Variants in ZFHX3 observed in about 807,000 individuals in gnomAD.
The protein encoded by ZFHX3 is zinc finger homeobox protein 3.
In ZFHX3, 42 loss-of-function variants were observed where a neutral mutation model predicts 279.1. The ratio of observed to expected loss-of-function variants is 0.15; its 90% confidence interval spans 0.12 to 0.19. The LOEUF is 0.19. Among genes scored for constraint, ZFHX3 ranks in the 10% least tolerant of loss-of-function variants. The pLI is 1.00. For missense variants in ZFHX3, 4,981 were observed against 4,754.0 expected (o/e 1.05, Z -1.40); for synonymous variants, 2,293 against 1,957.8 (o/e 1.17, Z -4.52).
chr16:73,357,212 T>C (rs577127163), intron 3 of ZFHX3, among the ~76,000 whole-genome samples: 17 of 151,914 alleles, frequency 1.1e-4, no homozygotes, highest in South Asian at 8.3e-4. Flanking sequence ...ATAATAATAA[T>C]ACCCCCCACC....
At chr16:73,336,809 C>T (rs910259101) in intron 3 of ZFHX3, among the ~76,000 whole-genome samples, 8 of 152,106 alleles carry the variant, frequency 5.3e-5, no homozygotes, top group African/African-American at 1.9e-4. Context: ...CAACCGCATC[C>T]CCTGTACTCT....
chr16:73,406,114 A>T lies in ZFHX3; in HGVS notation c.-1291+49889T>A, dbSNP rs952642795. On this transcript the variant is annotated intron_variant, in intron 3 of 17. Transcript: ENST00000641206. ...TCTGGACTGGGAAGCCGGCCTCAGGATGCCCCATCAGATGCCTGCGCATCA... is the reference window on the plus strand; with the variant it reads ...TCTGGACTGGGAAGCCGGCCTCAGGTTGCCCCATCAGATGCCTGCGCATCA... Among the ~76,000 whole-genome samples the T allele has an allele frequency of 1.3e-5, 2 of 152,260 alleles. 1 individual carries two copies. The highest frequency in any genetic ancestry group is 4.1e-4 in the South Asian group (2 of 4,834).
At chr16:73,784,136 A>T (rs968758352) in intron 1 of ZFHX3, among the ~76,000 whole-genome samples, 8 of 152,188 alleles carry the variant, frequency 5.3e-5, no homozygotes, top group African/African-American at 1.7e-4. Context: ...AAAGAAAAAA[A>T]AAGGAGACAG....
chr16:73,672,398 C>T (rs12931485), intron 2 of ZFHX3, among the ~76,000 whole-genome samples: 8,776 of 152,196 alleles, frequency 0.058, 323 homozygotes, highest in Non-Finnish European at 0.086. Context: ...CCCAATAGGA[C>T]TAACTACTTC....
intron 1 of ZFHX3, among the ~76,000 whole-genome samples, chr16:73,849,360 T>A (rs1337385864): frequency 1.3e-5 from 2 of 152,234 alleles, no homozygotes; most frequent in Admixed American, 6.5e-5. Context: ...GAACTCAGCC[T>A]TCTCCCCTGT....
At chr16:72,996,798 C>G (rs1963311906) in intron 1 of ZFHX3, among the ~76,000 whole-genome samples, 1 of 152,198 alleles carries the variant, frequency 6.6e-6, no homozygotes, top group Non-Finnish European at 1.5e-5. Context: ...AATAATCAGC[C>G]AGATATGGAC....
chr16:72,826,302 T>C (rs1192965855), intron 5 of ZFHX3, among the ~76,000 whole-genome samples: 1 of 152,102 alleles, frequency 6.6e-6, no homozygotes, highest in East Asian at 1.9e-4. Flanking sequence ...ACCCCAAAAC[T>C]ACAAAATCAG....
At chr16:73,289,780 C>T (rs2014722045) in intron 4 of ZFHX3, among the ~76,000 whole-genome samples, 1 of 152,094 alleles carries the variant, frequency 6.6e-6, no homozygotes, top group Non-Finnish European at 1.5e-5. Flanking sequence ...GAGACCCTAC[C>T]AGGTGCACCG....
At chr16:73,407,451 C>G (rs1357404464) in intron 3 of ZFHX3, among the ~76,000 whole-genome samples, 1 of 152,184 alleles carries the variant, frequency 6.6e-6, no homozygotes, top group Non-Finnish European at 1.5e-5. Context: ...ACCCACACAG[C>G]TTGGCAGAGG....
chr16:73,624,766 C>T (rs760679368), intron 2 of ZFHX3, among the ~76,000 whole-genome samples: 4 of 152,250 alleles, frequency 2.6e-5, no homozygotes, highest in South Asian at 2.1e-4. Context: ...GGGAGGTCAC[C>T]GTAAGAAGTC....
intron 3 of ZFHX3, among the ~76,000 whole-genome samples, chr16:73,403,596 A>C (rs1231104437): frequency 6.6e-6 from 1 of 152,176 alleles, no homozygotes; most frequent in Non-Finnish European, 1.5e-5. Flanking sequence ...TACTGGAAAC[A>C]CAAATTTGCT....
At chr16:72,877,366 T>G (rs12444200) in intron 4 of ZFHX3, among the ~76,000 whole-genome samples, 1 of 146,560 alleles carries the variant, frequency 6.8e-6, no homozygotes, top group Admixed American at 6.9e-5. Flanking sequence ...TTTTCTGTTG[T>G]TGTTGTTGGT....
chr16:73,478,315 C>T (rs887477460), intron 2 of ZFHX3, among the ~76,000 whole-genome samples: 10 of 148,234 alleles, frequency 6.7e-5, no homozygotes, highest in South Asian at 2.2e-4. Context: ...AGCCATATGA[C>T]ATGCCTGAAC....
At chr16:73,653,635 A>C (rs2052693136) in intron 2 of ZFHX3, among the ~76,000 whole-genome samples, 1 of 152,192 alleles carries the variant, frequency 6.6e-6, no homozygotes, top group Admixed American at 6.5e-5. Flanking sequence ...AAGGGCAATG[A>C]CTACTTTCCC....
chr16:72,985,773 G>A (rs182813835), intron 1 of ZFHX3, among the ~76,000 whole-genome samples: 55 of 152,186 alleles, frequency 3.6e-4, no homozygotes, highest in African/African-American at 1.3e-3. Context: ...CTTGGGCTGT[G>A]ACCAGAGCAG....
intron 6 of ZFHX3, among the ~76,000 whole-genome samples, chr16:73,138,523 C>T (rs28583046): frequency 0.044 from 6,643 of 152,086 alleles, 451 homozygotes; most frequent in African/African-American, 0.15. Context: ...CATCTGGTTC[C>T]AGAATATCAA....
intron 2 of ZFHX3, among the ~76,000 whole-genome samples, chr16:73,625,073 G>A (rs1212346443): frequency 6.6e-6 from 1 of 152,124 alleles, no homozygotes; most frequent in Non-Finnish European, 1.5e-5. Context: ...TTTATTTTAG[G>A]TGTCTGAGAA....
At chr16:73,242,477 G>GT (rs769368204) in intron 5 of ZFHX3, among the ~76,000 whole-genome samples, 10 of 152,324 alleles carry the variant, frequency 6.6e-5, no homozygotes, top group Middle Eastern at 6.8e-3. Context: ...CTGAGTGTGA[G>GT]TTTTTCGTGT....
intron 2 of ZFHX3, among the ~76,000 whole-genome samples, chr16:73,543,452 T>C (rs1345119163): frequency 6.6e-6 from 1 of 152,186 alleles, no homozygotes; most frequent in Non-Finnish European, 1.5e-5. Context: ...AGGAAGCCTG[T>C]CCGGAATCCT....
Sources: gnomAD v4.1 joint callset for allele counts (sites outside exome capture counted in the v4.1 genomes callset) on GRCh38, gnomAD v4.1.1 for gene constraint, MANE v1.5 for transcripts, NCBI Gene and HGNC (gene_info 2026-07-23, HGNC 2026-07-21) for gene names.